The following RIN2 variants were observed in gnomAD, a reference collection of about 807,000 sequenced individuals.
RIN2 encodes the protein Ras and Rab interactor 2, also known as RAB5 interacting protein 2.
RIN2 carries 36 observed loss-of-function variants against 78.0 expected under a neutral mutation model. The observed-to-expected ratio is 0.46, with a 90% CI of 0.35 to 0.61. RIN2 has a LOEUF of 0.61. Among genes scored for constraint, RIN2 ranks in the 20% least tolerant of loss-of-function variants. The pLI is 0.00. For synonymous variants in RIN2, 466 were observed against 466.8 expected (o/e 1.00, Z 0.02); for missense variants, 1,087 against 1,159.7 (o/e 0.94, Z 0.91).
chr20:19,903,939 A>G (rs1213725679), intron 3 of RIN2, among the ~76,000 whole-genome samples: 2 of 152,132 alleles, frequency 1.3e-5, no homozygotes, highest in Non-Finnish European at 2.9e-5. Context: ...CTGGCCGGTA[A>G]TTGCAGGTGT....
In RIN2 at chr20:19,960,688, T is replaced by C; in HGVS notation, c.352-12T>C. 1 of 1,545,878 alleles carries C rather than the reference T, an allele frequency of 6.5e-7. No homozygotes were observed. Among genetic ancestry groups the C allele is most frequent in the Non-Finnish European group, 8.8e-7 (1 of 1,132,904 alleles). On this transcript the variant is annotated splice_polypyrimidine_tract_variant and intron_variant, in intron 5 of 12. Coordinates refer to ENST00000255006, the MANE Select transcript of RIN2 (RefSeq NM_018993.4). ...TATTTCCTAAAGCTTGTATTTCTTT[T>C]CCCTCCACTAGATCTTCCTGGTTCA...
chr20:19,866,641 T>C (rs565976132), intron 2 of RIN2, among the ~76,000 whole-genome samples: 170 of 152,316 alleles, frequency 1.1e-3, no homozygotes, highest in African/African-American at 3.8e-3. Context: ...TTTATTTATT[T>C]TGAGACAGAG....
chr20:19,839,314 C>T (rs1013220692), intron 2 of RIN2, among the ~76,000 whole-genome samples: 4 of 152,230 alleles, frequency 2.6e-5, no homozygotes, highest in Non-Finnish European at 5.9e-5. Context: ...GTGAGAATAA[C>T]TTGCCCTTGG....
chr20:19,937,696 A>T (rs1006384714), intron 4 of RIN2, among the ~76,000 whole-genome samples: 10 of 152,234 alleles, frequency 6.6e-5, no homozygotes, highest in Admixed American at 2.0e-4. Flanking sequence ...ATGTCATGGG[A>T]AAAACAATTA....
intron 4 of RIN2, among the ~76,000 whole-genome samples, chr20:19,945,536 T>C (rs903360680): frequency 3.9e-5 from 6 of 152,192 alleles, no homozygotes. Context: ...GAATCCTAAA[T>C]CTCATTCTCC....
At chr20:19,815,408 GCTCC>G (rs2035735626) in intron 2 of RIN2, among the ~76,000 whole-genome samples, 1 of 152,082 alleles carries the variant, frequency 6.6e-6, no homozygotes, top group Non-Finnish European at 1.5e-5. Flanking sequence ...CAATACATTG[GCTCC>G]CTTTTTCTTA....
chr20:19,843,280 A>G (rs917769075), intron 2 of RIN2, among the ~76,000 whole-genome samples: 12 of 152,266 alleles, frequency 7.9e-5, no homozygotes, highest in East Asian at 1.9e-4. Context: ...CAATTTTGAA[A>G]CAAGTTCTAC....
chr20:19,863,703 T>C (rs1415000222), intron 2 of RIN2, among the ~76,000 whole-genome samples: 2 of 152,220 alleles, frequency 1.3e-5, no homozygotes, highest in African/African-American at 2.4e-5. Flanking sequence ...AATCCTTGCC[T>C]TGGGGTTTGC....
At chr20:19,912,774 C>T (rs960078421) in intron 3 of RIN2, among the ~76,000 whole-genome samples, 5 of 152,102 alleles carry the variant, frequency 3.3e-5, no homozygotes, top group Non-Finnish European at 7.4e-5. Flanking sequence ...CTACCACGAC[C>T]ACGCCGGGAT....
At chr20:19,988,167 G>A (rs1008930672) in intron 9 of RIN2, among the ~76,000 whole-genome samples, 2 of 152,196 alleles carry the variant, frequency 1.3e-5, no homozygotes, top group Admixed American at 1.3e-4. Flanking sequence ...CACTCAGGCT[G>A]GAGTGCAGTG....
At chr20:19,834,976 A>AAAGG (rs1202178141) in intron 2 of RIN2, among the ~76,000 whole-genome samples, 4 of 150,960 alleles carry the variant, frequency 2.6e-5, no homozygotes, top group African/African-American at 7.3e-5. Context: ...AGAAAGAAAG[A>AAAGG]AAGGAAGGAA....
intron 3 of RIN2, among the ~76,000 whole-genome samples, chr20:19,908,793 T>C (rs903887286): frequency 2.6e-5 from 4 of 152,214 alleles, no homozygotes; most frequent in African/African-American, 9.6e-5. Flanking sequence ...GAATATCCAC[T>C]ATTTGGAAAG....
intron 2 of RIN2, among the ~76,000 whole-genome samples, chr20:19,817,669 A>G (rs181072709): frequency 1.7e-3 from 262 of 152,340 alleles, no homozygotes; most frequent in Non-Finnish European, 2.9e-3. Context: ...GATGAAACTA[A>G]AGACTGAAAA....
Position 19,975,624 on chromosome 20 carries a change from G to A in RIN2, c.1599G>A (p.Val533=). Residue 533 remains valine, a synonymous_variant, in exon 9 of 13, where the codon GTG becomes GTA. Coordinates refer to ENST00000255006, the MANE Select transcript of RIN2 (RefSeq NM_018993.4). The surrounding 1 kb of genome is among the most constrained non-coding windows in gnomAD (Gnocchi z 4.9). The part of the protein sequence containing the change: ...RDKCTYFGCL[V]QDYVSFLQEN... ...AATGCACCTACTTCGGGTGCTTAGT[G>A]CAGGACTACGTGAGCTTCCTGCAGG... The A allele has an allele frequency of 6.2e-7, 1 of 1,613,890 alleles. No homozygotes were observed. Among genetic ancestry groups the A allele is most frequent in the Non-Finnish European group, 8.5e-7 (1 of 1,179,880 alleles).
At chr20:19,791,091 G>C (rs925513756) in intron 1 of RIN2, among the ~76,000 whole-genome samples, 2 of 152,178 alleles carry the variant, frequency 1.3e-5, no homozygotes, top group African/African-American at 4.8e-5. Flanking sequence ...AGAAAAACAG[G>C]ACTTCATGTG....
At chr20:19,784,037 G>T (rs548545047) in intron 1 of RIN2, among the ~76,000 whole-genome samples, 2 of 152,206 alleles carry the variant, frequency 1.3e-5, no homozygotes, top group Non-Finnish European at 2.9e-5. Context: ...AGACACTGAC[G>T]GACACAGTGT....
chr20:19,945,383 G>A (rs1298930108), intron 4 of RIN2, among the ~76,000 whole-genome samples: 2 of 152,186 alleles, frequency 1.3e-5, no homozygotes, highest in African/African-American at 4.8e-5. Flanking sequence ...GACTGAATGT[G>A]AAAGCCCCTG....
chr20:19,772,396 C>T (rs2034162215), intron 1 of RIN2, among the ~76,000 whole-genome samples: 1 of 152,206 alleles, frequency 6.6e-6, no homozygotes, highest in Non-Finnish European at 1.5e-5. Context: ...CCGATGACCC[C>T]CCTGTTTTCA....
chr20:19,923,445 AAAATAAAATAAAATAAAATAAAAT>A (rs1246583083), intron 3 of RIN2, among the ~76,000 whole-genome samples: 5,726 of 123,812 alleles, frequency 0.046, 153 homozygotes, highest in African/African-American at 0.098. Flanking sequence ...AAAATAAAAT[AAAATAAAATAAAATAAAATAAAAT>A]AAATAAAATA....
Sources: gnomAD v4.1 joint callset for allele counts (sites outside exome capture counted in the v4.1 genomes callset) on GRCh38, gnomAD v4.1.1 for gene constraint, Gnocchi (gnomAD v3.1) non-coding constraint, MANE v1.5 for transcripts, NCBI Gene and HGNC (gene_info 2026-07-23, HGNC 2026-07-21) for gene names.